IGFL4: variants seen among roughly 807,000 people sequenced by gnomAD.
IGFL4 encodes the protein insulin growth factor-like family member 4.
A neutral mutation model predicts 15.4 loss-of-function variants in IGFL4; 12 were observed. The ratio of observed to expected loss-of-function variants is 0.78; its 90% CI spans 0.50 to 1.26. The LOEUF is 1.26. IGFL4 is among the 50% of genes most tolerant of loss of function. The pLI is 0.00. For missense variants in IGFL4, 126 were observed against 147.8 expected (o/e 0.85, Z 0.76); for synonymous variants, 54 against 55.9 (o/e 0.97, Z 0.16).
chr19:46,041,426 T>G (rs1969241820), upstream of IGFL4, among the ~76,000 whole-genome samples: 1 of 152,204 alleles, frequency 6.6e-6, no homozygotes, highest in Admixed American at 6.5e-5. Flanking sequence ...CCTGCAGACC[T>G]GCACTGTCTA....
intron 1 of IGFL4, among the ~76,000 whole-genome samples, chr19:46,067,627 C>T (rs1460006747): frequency 1.3e-5 from 2 of 152,184 alleles, no homozygotes; most frequent in African/African-American, 4.8e-5. Flanking sequence ...CATCCTCATC[C>T]ACGTGTGCTC....
At chr19:46,073,948 T>G (rs555225786) in intron 1 of IGFL4, among the ~76,000 whole-genome samples, 1 of 152,132 alleles carries the variant, frequency 6.6e-6, no homozygotes, top group East Asian at 1.9e-4. Flanking sequence ...CAAGGCATAT[T>G]CTTTCCTTTC....
intron 1 of IGFL4, among the ~76,000 whole-genome samples, chr19:46,064,682 C>A (rs1002482203): frequency 7.9e-5 from 12 of 152,222 alleles, no homozygotes; most frequent in Middle Eastern, 3.4e-3. Context: ...AATAGTACTC[C>A]ATTTTGTGTA....
At chr19:46,051,792 G>T (rs1165786293) in intron 2 of IGFL4, among the ~76,000 whole-genome samples, 1 of 152,050 alleles carries the variant, frequency 6.6e-6, no homozygotes, top group Non-Finnish European at 1.5e-5. Context: ...GGTGGAAAAA[G>T]ATATCCCATG....
At chr19:46,049,600 T>C (rs1487459191) in intron 2 of IGFL4, among the ~76,000 whole-genome samples, 1 of 152,080 alleles carries the variant, frequency 6.6e-6, no homozygotes, top group African/African-American at 2.4e-5. Context: ...CCCCATCCCC[T>C]ATAGCAGCCA....
chr19:46,058,842 C>A (rs966419308), intron 2 of IGFL4: 4 of 152,174 alleles, frequency 2.6e-5, no homozygotes, highest in African/African-American at 9.7e-5. Flanking sequence ...TATCAAGTCC[C>A]TAGGCTACAC....
chr19:46,061,684 T>C (rs1969446542), intron 1 of IGFL4, among the ~76,000 whole-genome samples: 1 of 152,258 alleles, frequency 6.6e-6, no homozygotes, highest in Non-Finnish European at 1.5e-5. Flanking sequence ...AATTTTACCA[T>C]GCATTTAATT....
At chr19:46,064,888 T>C (rs1289855660) in intron 1 of IGFL4, among the ~76,000 whole-genome samples, 1 of 152,194 alleles carries the variant, frequency 6.6e-6, no homozygotes, top group Non-Finnish European at 1.5e-5. Flanking sequence ...AGAGGTTGCA[T>C]TAATTTACAT....
intron 2 of IGFL4, among the ~76,000 whole-genome samples, chr19:46,048,789 A>G (rs1211726532): frequency 6.6e-6 from 1 of 152,236 alleles, no homozygotes; most frequent in Admixed American, 6.5e-5. Flanking sequence ...AAATGGAAAA[A>G]CACTCTATGC....
intron 2 of IGFL4, chr19:46,058,873 G>A (rs1310212386): frequency 6.6e-6 from 1 of 152,210 alleles, no homozygotes; most frequent in Non-Finnish European, 1.5e-5. Context: ...CATATCACAA[G>A]GGGTGGATTA....
At chr19:46,074,920 G>T (rs1969581076) in intron 1 of IGFL4, among the ~76,000 whole-genome samples, 1 of 152,150 alleles carries the variant, frequency 6.6e-6, no homozygotes, top group Non-Finnish European at 1.5e-5. Context: ...TCATGTCCCT[G>T]ACATGGAAAT....
intron 1 of IGFL4, among the ~76,000 whole-genome samples, chr19:46,066,975 G>T (rs1969501106): frequency 6.6e-6 from 1 of 152,122 alleles, no homozygotes; most frequent in Admixed American, 6.5e-5. Flanking sequence ...TTCAGCCAAG[G>T]GCATGTCCTC....
upstream of IGFL4, among the ~76,000 whole-genome samples, chr19:46,043,839 C>A (rs1047642478): frequency 6.6e-6 from 1 of 151,718 alleles, no homozygotes; most frequent in Non-Finnish European, 1.5e-5. Flanking sequence ...TAGAAGAAAA[C>A]ATAAAAAAAA....
At chr19:46,055,506 A>G (rs1312597540) in intron 2 of IGFL4, among the ~76,000 whole-genome samples, 1 of 152,184 alleles carries the variant, frequency 6.6e-6, no homozygotes, top group Non-Finnish European at 1.5e-5. Flanking sequence ...GAATATTTCC[A>G]TTCAACATTG....
At chr19:46,051,050 A>AT (rs1200011928) in intron 2 of IGFL4, among the ~76,000 whole-genome samples, 1 of 152,210 alleles carries the variant, frequency 6.6e-6, no homozygotes, top group Non-Finnish European at 1.5e-5. Context: ...TCAGCCAAGA[A>AT]TTTTTCATTC....
At chr19:46,062,274 T>C (rs1408269448) in intron 1 of IGFL4, among the ~76,000 whole-genome samples, 4 of 152,084 alleles carry the variant, frequency 2.6e-5, no homozygotes, top group Non-Finnish European at 5.9e-5. Context: ...TCAAGATGGT[T>C]GGTGGAGGGG....
intron 2 of IGFL4, among the ~76,000 whole-genome samples, chr19:46,054,821 T>C (rs1021538719): frequency 6.6e-6 from 1 of 152,174 alleles, no homozygotes; most frequent in Non-Finnish European, 1.5e-5. Context: ...GAATAGAAGA[T>C]CTATAGTCTT....
chr19:46,056,292 T>C (rs1006169924), intron 2 of IGFL4, among the ~76,000 whole-genome samples: 4 of 152,328 alleles, frequency 2.6e-5, no homozygotes, highest in Non-Finnish European at 5.9e-5. Context: ...ATGTGCTCAA[T>C]TGCCATATTG....
chr19:46,075,280 C>T (rs984706245), intron 1 of IGFL4, among the ~76,000 whole-genome samples: 3 of 152,058 alleles, frequency 2.0e-5, no homozygotes, highest in African/African-American at 7.2e-5. Flanking sequence ...TCATTTTCAC[C>T]AGATGTTCTC....
Sources: gnomAD v4.1 joint callset for allele counts (sites outside exome capture counted in the v4.1 genomes callset) on GRCh38, gnomAD v4.1.1 for gene constraint, MANE v1.5 for transcripts, NCBI Gene and HGNC (gene_info 2026-07-23, HGNC 2026-07-21) for gene names.